The following ELP4 variants were observed in gnomAD, a reference collection of about 807,000 sequenced individuals.
ELP4 encodes the protein elongator acetyltransferase complex subunit 4.
In ELP4, 51 loss-of-function variants were observed where a neutral mutation model predicts 48.9. The observed-to-expected ratio is 1.04, with a 90% CI of 0.83 to 1.32. The LOEUF (loss-of-function observed/expected upper bound fraction) is 1.32, where lower values mean the gene tolerates loss of function less well. Among genes scored for constraint, ELP4 ranks in the 40% most tolerant of loss-of-function variants. ELP4 has a pLI of 0.00. For synonymous variants in ELP4, 210 were observed against 189.2 expected, an observed-to-expected ratio of 1.11 and a Z score of -0.90; for missense variants, 519 against 514.6, an observed-to-expected ratio of 1.01 and a Z score of -0.08.
intron 5 of ELP4, among the ~76,000 whole-genome samples, chr11:31,623,565 C>T (rs10742259): frequency 0.93 from 138,924 of 149,440 alleles, 65,160 homozygotes; most frequent in South Asian, 1. Flanking sequence ...TATTTTGTTA[C>T]CAAATAGTTT....
intron 9 of ELP4, among the ~76,000 whole-genome samples, chr11:31,726,048 T>G (rs893111344): frequency 6.6e-6 from 1 of 152,128 alleles, no homozygotes; most frequent in African/African-American, 2.4e-5. Context: ...CAGATAGACT[T>G]TGGCAAAATG....
At chr11:31,732,136 T>A (rs1200419413) in intron 9 of ELP4, among the ~76,000 whole-genome samples, 2 of 152,038 alleles carry the variant, frequency 1.3e-5, no homozygotes, top group Non-Finnish European at 2.9e-5. Flanking sequence ...TAAAGGTAAA[T>A]ATATAGACAA....
chr11:31,581,566 G>A (rs1957392968), intron 3 of ELP4, among the ~76,000 whole-genome samples: 1 of 152,048 alleles, frequency 6.6e-6, no homozygotes, highest in African/African-American at 2.4e-5. Context: ...ACCTGAAGAA[G>A]CTATTTAGAT....
intron 9 of ELP4, among the ~76,000 whole-genome samples, chr11:31,770,179 G>T (rs548704711): frequency 6.6e-6 from 1 of 152,126 alleles, no homozygotes; most frequent in Non-Finnish European, 1.5e-5. Context: ...GGCCTGTATT[G>T]TGTGTTCCAG....
chr11:31,730,837 A>C (rs1947170261), intron 9 of ELP4, among the ~76,000 whole-genome samples: 1 of 152,196 alleles, frequency 6.6e-6, no homozygotes, highest in Non-Finnish European at 1.5e-5. Context: ...GACATAGGAC[A>C]CTGACAGGAC....
At chr11:31,675,867 C>G (rs1945916076) in intron 9 of ELP4, among the ~76,000 whole-genome samples, 1 of 152,050 alleles carries the variant, frequency 6.6e-6, no homozygotes, top group East Asian at 1.9e-4. Context: ...ATAATTTAAA[C>G]AGTTTTTACC....
In ELP4 at chr11:31,563,417, A is replaced by G. The variant is rs145822141; in HGVS notation, c.381+23634A>G. On this transcript the variant is annotated intron_variant, in intron 3 of 9. Transcript: ENST00000640961. ...ATTTTGCTTGTGCATCTGCCAAAACAAAGACCACAAAATAATATAGCAGTA... is the reference window on the plus strand; with the variant it reads ...ATTTTGCTTGTGCATCTGCCAAAACGAAGACCACAAAATAATATAGCAGTA... Among the ~76,000 whole-genome samples, 6 of 152,304 alleles carry G rather than the reference A, an allele frequency of 3.9e-5. No homozygotes were observed. In the East Asian group the frequency reaches 1.2e-3, roughly 29 times the overall value.
chr11:31,523,947 T>C (rs72889966), intron 2 of ELP4, among the ~76,000 whole-genome samples: 6,361 of 152,170 alleles, frequency 0.042, 212 homozygotes, highest in Admixed American at 0.072. Flanking sequence ...AAAGGATCTT[T>C]ATTTGTAAAG....
At chr11:31,541,340 C>G (rs1009246822) in intron 3 of ELP4, 2 of 152,084 alleles carry the variant, frequency 1.3e-5, no homozygotes, top group Admixed American at 1.3e-4. Context: ...TTCTCAATCT[C>G]TTTTGTAGTT....
intron 9 of ELP4, among the ~76,000 whole-genome samples, chr11:31,724,078 C>G (rs1229413583): frequency 6.6e-6 from 1 of 152,164 alleles, no homozygotes; most frequent in African/African-American, 2.4e-5. Context: ...ACCTCTACCC[C>G]CACATTGCCC....
intron 2 of ELP4, among the ~76,000 whole-genome samples, chr11:31,532,617 CTT>C (rs1304087009): frequency 6.6e-6 from 1 of 151,974 alleles, no homozygotes; most frequent in Admixed American, 6.6e-5. Context: ...GCATCCGTAA[CTT>C]TATGAAAGTT....
rs202117799 is a variant in ELP4, at chr11:31,667,498, A to C, written c.1143+17277A>C. ...ACATTCTTATATTTTTGGATGTAAC[A>C]TAATTTATTTTTAACAAACTTAATC... On this transcript the variant is annotated intron_variant, in intron 9 of 9. Coordinates refer to ENST00000640961, the MANE Select transcript of ELP4 (RefSeq NM_019040.5). Among the ~76,000 whole-genome samples, 4 of 152,300 alleles carry C rather than the reference A, an allele frequency of 2.6e-5. No individual in the cohort carries two copies. The East Asian group carries it at 7.7e-4, about 29-fold the overall frequency.
chr11:31,650,914 G>A (rs554341947), intron 9 of ELP4: 2 of 151,674 alleles, frequency 1.3e-5, no homozygotes, highest in African/African-American at 4.8e-5. Flanking sequence ...TATAGTCGGT[G>A]CAATTTTTTT....
intron 1 of ELP4, among the ~76,000 whole-genome samples, chr11:31,513,751 C>CT (rs1296635203): frequency 6.6e-6 from 1 of 152,110 alleles, no homozygotes. Context: ...ATGTAATTGT[C>CT]TTACTACTGC....
At chr11:31,601,431 AAATT>A (rs1957780216) in intron 4 of ELP4, among the ~76,000 whole-genome samples, 1 of 152,066 alleles carries the variant, frequency 6.6e-6, no homozygotes, top group Non-Finnish European at 1.5e-5. Flanking sequence ...ATTTCTAAAT[AAATT>A]AATAACAATT....
Position 31,547,301 on chromosome 11 carries a change from G to A in ELP4, c.381+7518G>A, listed in dbSNP as rs905360529. On this transcript the variant is annotated intron_variant, in intron 3 of 9. Transcript: ENST00000640961. ...AGACGCAATAAAAAATGATAAAGGG[G>A]ATATCACCACCGATCCCACAGAAAT... is the stretch of plus-strand genomic sequence containing the variant. Among the ~76,000 whole-genome samples, 41 of 151,832 alleles carry A rather than the reference G, an allele frequency of 2.7e-4. 1 individual carries two copies. Among genetic ancestry groups the A allele is most frequent in the African/African-American group, 9.2e-4 (38 of 41,302 alleles).
chr11:31,559,580 C>T (rs962854839), intron 3 of ELP4, among the ~76,000 whole-genome samples: 2 of 152,136 alleles, frequency 1.3e-5, no homozygotes, highest in Non-Finnish European at 2.9e-5. Context: ...CTAGTTACCT[C>T]GACTTCTCAG....
chr11:31,580,716 G>A (rs912297432), intron 3 of ELP4: 2 of 154,386 alleles, frequency 1.3e-5, no homozygotes, highest in African/African-American at 2.4e-5. Context: ...GGAGTGCAGT[G>A]GCACAGTCTT....
intron 2 of ELP4, among the ~76,000 whole-genome samples, chr11:31,526,440 T>G (rs948073232): frequency 1.2e-4 from 18 of 152,154 alleles, no homozygotes; most frequent in Admixed American, 5.9e-4. Flanking sequence ...AGTCACCTCT[T>G]TTTTATTTTC....
Sources: gnomAD v4.1 joint callset for allele counts (sites outside exome capture counted in the v4.1 genomes callset) on GRCh38, gnomAD v4.1.1 for gene constraint, MANE v1.5 for transcripts, NCBI Gene and HGNC (gene_info 2026-07-23, HGNC 2026-07-21) for gene names.